The following ITPR1 variants were observed in gnomAD, a reference collection of about 807,000 sequenced individuals.
ITPR1 encodes the protein inositol 1,4,5-trisphosphate-gated calcium channel ITPR1.
A neutral mutation model predicts 318.4 loss-of-function variants in ITPR1; 96 were observed. The observed-to-expected ratio is 0.30, with a 90% CI of 0.26 to 0.36. The LOEUF (loss-of-function observed/expected upper bound fraction) is 0.36. ITPR1 is among the 10% of genes least tolerant of loss of function. The pLI is 1.00. For missense variants in ITPR1, 2,440 were observed against 3,460.2 expected (o/e 0.71, Z 7.40); for synonymous variants, 1,312 against 1,289.9 (o/e 1.02, Z -0.37).
intron 4 of ITPR1, among the ~76,000 whole-genome samples, chr3:4,553,177 AC>A (rs1170162648): frequency 6.6e-6 from 1 of 152,148 alleles, no homozygotes; most frequent in Non-Finnish European, 1.5e-5. Context: ...AGAAAAACTT[AC>A]GGAGAAGGCA....
At chr3:4,835,136 T>C (rs1422733363) in intron 60 of ITPR1, among the ~76,000 whole-genome samples, 4 of 151,086 alleles carry the variant, frequency 2.6e-5, no homozygotes, top group Non-Finnish European at 4.4e-5. Flanking sequence ...ACCAGTATCT[T>C]AAGCAAACAC....
intron 32 of ITPR1, among the ~76,000 whole-genome samples, chr3:4,692,012 G>A (rs1003354046): frequency 4.6e-5 from 7 of 152,108 alleles, no homozygotes; most frequent in African/African-American, 1.7e-4. Flanking sequence ...AAATTAGCTG[G>A]GTGTAGTGGC....
At chr3:4,624,029 A>G (rs17041043) in intron 4 of ITPR1, among the ~76,000 whole-genome samples, 17,102 of 152,166 alleles carry the variant, frequency 0.11, 3,228 homozygotes, top group African/African-American at 0.39. Context: ...TTGTTAGGTG[A>G]CGTGCTTGAC....
chr3:4,738,532 A>C (rs1269398671), intron 44 of ITPR1, among the ~76,000 whole-genome samples: 1 of 152,234 alleles, frequency 6.6e-6, no homozygotes, highest in African/African-American at 2.4e-5. Flanking sequence ...GACCAGGTGC[A>C]CAAAGGCACC....
At chr3:4,494,936 T>C (rs1279033646) in intron 2 of ITPR1, among the ~76,000 whole-genome samples, 2 of 152,110 alleles carry the variant, frequency 1.3e-5, no homozygotes, top group Non-Finnish European at 2.9e-5. Context: ...TCAGAGTAGG[T>C]TGGATTGCAA....
intron 40 of ITPR1, 117 bp from the exon 41 acceptor site, chr3:4,725,429 G>C: frequency 1.2e-6 from 1 of 802,074 alleles, no homozygotes; most frequent in African/African-American, 1.7e-5. Context: ...CAGCAGGGTT[G>C]CCTCATCTCT....
intron 54 of ITPR1, among the ~76,000 whole-genome samples, 178 bp downstream of exon 54, chr3:4,800,778 C>T (rs891077195): frequency 5.3e-5 from 8 of 152,208 alleles, no homozygotes; most frequent in East Asian, 1.9e-4. Context: ...TCTTGACCTC[C>T]GCGTGGTGCA....
intron 55 of ITPR1, among the ~76,000 whole-genome samples, chr3:4,810,534 C>T (rs1222155677): frequency 6.6e-6 from 1 of 152,234 alleles, no homozygotes; most frequent in East Asian, 1.9e-4. Flanking sequence ...GTTAACGTCA[C>T]TAATGTCCCT....
At chr3:4,771,632 C>G (rs1292638280) in intron 46 of ITPR1, among the ~76,000 whole-genome samples, 5 of 152,116 alleles carry the variant, frequency 3.3e-5, no homozygotes, top group Non-Finnish European at 5.9e-5. Context: ...ACCCCATGGA[C>G]AGAAGCACCT....
At chr3:4,700,011 G>C (rs151116305) in intron 35 of ITPR1, 70 bp downstream of exon 35, 1 of 1,428,174 alleles carries the variant, frequency 7.0e-7, no homozygotes, top group Non-Finnish European at 9.8e-7. Flanking sequence ...ATGTGAATTT[G>C]GGAGTAAGCA....
At chr3:4,681,651 G>GTA (rs1185927892) in intron 26 of ITPR1, among the ~76,000 whole-genome samples, 3 of 151,730 alleles carry the variant, frequency 2.0e-5, no homozygotes, top group African/African-American at 7.3e-5. Context: ...GTGTGTGTGT[G>GTA]TGTGTGTCCC....
chr3:4,514,415 G>A (rs925458684), intron 2 of ITPR1, among the ~76,000 whole-genome samples: 1 of 152,160 alleles, frequency 6.6e-6, no homozygotes, highest in African/African-American at 2.4e-5. Context: ...GCAACATGGG[G>A]TACATCATGC....
At position 4,768,597 on chromosome 3, in the gene ITPR1, T is replaced by G. The variant is rs747340783; in HGVS notation, c.5812T>G (p.Phe1938Val). ...TGCCACCAGGAAAGCCTTCACCACT[T>G]TCAGGAGGGAGGCTGATCCCGACGA... Reference protein sequence around the residue: ...SAATRKAFTTFRREADPDDHY... With the variant: ...SAATRKAFTTVRREADPDDHY... The change falls in exon 46 of 62, where the codon TTC (phenylalanine) becomes GTC (valine). Residue 1938 changes from phenylalanine (F) to valine (V), a missense_variant. Phe to Val is a conservative substitution (Grantham distance 50, BLOSUM62 -1). Transcript: ENST00000649015. The G allele has an allele frequency of 6.2e-7, 1 of 1,613,878 alleles. No homozygotes were observed. The highest frequency in any genetic ancestry group is 1.1e-5 in the South Asian group (1 of 91,068).
intron 52 of ITPR1, among the ~76,000 whole-genome samples, chr3:4,792,144 T>C (rs2047598371): frequency 6.6e-6 from 1 of 152,180 alleles, no homozygotes; most frequent in Non-Finnish European, 1.5e-5. Context: ...CTGACCCTCC[T>C]GTTCCCTCTC....
At chr3:4,699,518 C>T (rs1317423935) in intron 34 of ITPR1, among the ~76,000 whole-genome samples, 1 of 152,208 alleles carries the variant, frequency 6.6e-6, no homozygotes, top group Non-Finnish European at 1.5e-5. Flanking sequence ...GTGCTTCTTA[C>T]TGCCGTTTGG....
rs577589030 is a variant in ITPR1, at chr3:4,508,796, GGAGTT to G, written c.-16-7671_-16-7667del. Among the ~76,000 whole-genome samples the G allele has an allele frequency of 2.2e-4, 33 of 152,250 alleles. No individual in the cohort carries two copies. In the East Asian group the frequency reaches 6.0e-3, roughly 28 times the overall value. On this transcript the variant is annotated intron_variant, in intron 2 of 61. Coordinates refer to ENST00000649015, the MANE Select transcript of ITPR1 (RefSeq NM_001378452.1). Reference sequence around the variant, plus strand: ...ACCTAGATTGATGTTAGAAGGCGGGGGAGTTGAGTTGAGGTCTGGCCAGCTTTGGT... The same window carrying G: ...ACCTAGATTGATGTTAGAAGGCGGGGGAGTTGAGGTCTGGCCAGCTTTGGT...
Position 4,626,946 on chromosome 3 carries a change from G to A in ITPR1, c.164-817G>A, listed in dbSNP as rs147805855. On this transcript the variant is annotated intron_variant, in intron 4 of 61. Coordinates refer to ENST00000649015, the MANE Select transcript of ITPR1 (RefSeq NM_001378452.1). ...CGATTCTTGTGCCTCAGCCACTGGA[G>A]TAGCTGGGATTACAGGCGCGTACCA... Among the ~76,000 whole-genome samples the A allele has an allele frequency of 5.7e-3, 875 of 152,238 alleles. 4 individuals carry two copies. Among genetic ancestry groups the A allele is most frequent in the Non-Finnish European group, 8.3e-3 (564 of 68,016 alleles).
At chr3:4,597,447 T>A (rs1208644703) in intron 4 of ITPR1, among the ~76,000 whole-genome samples, 2 of 152,070 alleles carry the variant, frequency 1.3e-5, no homozygotes, top group Admixed American at 1.3e-4. Flanking sequence ...CCACGGAGAC[T>A]GTAGTGTGGT....
chr3:4,737,274 G>C (rs3804996), intron 44 of ITPR1, among the ~76,000 whole-genome samples: 2,142 of 152,282 alleles, frequency 0.014, 44 homozygotes, highest in South Asian at 0.082. Flanking sequence ...TATGTCTCAA[G>C]GATGACATTT....
Sources: allele counts gnomAD v4.1 joint callset (sites outside exome capture counted in the v4.1 genomes callset), GRCh38; gene constraint gnomAD v4.1.1; transcripts MANE v1.5; gene names NCBI Gene and HGNC (gene_info 2026-07-23, HGNC 2026-07-21).